The following TENM3 variants were observed in gnomAD, a reference collection of about 807,000 sequenced individuals.
TENM3 encodes teneurin transmembrane protein 3.
A neutral mutation model predicts 255.1 loss-of-function variants in TENM3; 63 were observed. The ratio of observed to expected loss-of-function variants is 0.25; its 90% CI spans 0.20 to 0.30. TENM3 has a LOEUF of 0.30. Among genes scored for constraint, TENM3 ranks in the 10% least tolerant of loss-of-function variants. The pLI, the probability that TENM3 is intolerant of heterozygous loss-of-function variation, is 1.00. For synonymous variants in TENM3, 1,306 were observed against 1,322.3 expected, an observed-to-expected ratio of 0.99 and a Z score of 0.27; for missense variants, 2,929 against 3,461.1, an observed-to-expected ratio of 0.85 and a Z score of 3.86.
the TENM3 span, among the ~76,000 whole-genome samples, chr4:181,791,551 G>A: frequency 1.3e-5 from 2 of 152,126 alleles, no homozygotes; most frequent in Non-Finnish European, 2.9e-5. Context: ...AGTAATATAA[G>A]AATAAAAGTA....
At chr4:182,185,573 C>A (rs752956392) in intron 1 of TENM3, among the ~76,000 whole-genome samples, 31 of 152,204 alleles carry the variant, frequency 2.0e-4, no homozygotes, top group Non-Finnish European at 4.1e-4. Context: ...TCTGAGTAGT[C>A]TCACCAGACA....
At chr4:181,459,715 C>T in the TENM3 span, among the ~76,000 whole-genome samples, 1 of 152,036 alleles carries the variant, frequency 6.6e-6, no homozygotes, top group East Asian at 1.9e-4. Flanking sequence ...CATCACATCA[C>T]CATAGTTTTA....
chr4:182,617,320 C>G (rs1308547461), intron 4 of TENM3, among the ~76,000 whole-genome samples: 2 of 152,152 alleles, frequency 1.3e-5, no homozygotes, highest in African/African-American at 4.8e-5. Flanking sequence ...TAAAAATCAT[C>G]TTATCTTAAA....
the TENM3 span, among the ~76,000 whole-genome samples, chr4:182,074,643 G>A: frequency 2.0e-5 from 3 of 152,248 alleles, no homozygotes; most frequent in East Asian, 3.9e-4. Flanking sequence ...GAAATGAGGC[G>A]GTGTGGGGCA....
At chr4:182,415,663 ACAAT>A (rs929291480) in intron 3 of TENM3, among the ~76,000 whole-genome samples, 19 of 147,272 alleles carry the variant, frequency 1.3e-4, no homozygotes, top group African/African-American at 4.4e-4. Flanking sequence ...CAGTGGGTAA[ACAAT>A]CAAGTGCCAG....
chr4:182,714,888 G>GT (rs1451760691), intron 13 of TENM3, among the ~76,000 whole-genome samples: 2 of 152,060 alleles, frequency 1.3e-5, no homozygotes, highest in Admixed American at 1.3e-4. Context: ...GTTTTGTTTT[G>GT]TTTTTTGTTT....
At chr4:182,740,800 G>A (rs1380648328) in intron 18 of TENM3, among the ~76,000 whole-genome samples, 1 of 152,104 alleles carries the variant, frequency 6.6e-6, no homozygotes, top group African/African-American at 2.4e-5. Flanking sequence ...TAACATATGG[G>A]TAACTTCTAT....
chr4:181,729,926 C>T, the TENM3 span, among the ~76,000 whole-genome samples: 1 of 152,262 alleles, frequency 6.6e-6, no homozygotes, highest in South Asian at 2.1e-4. Context: ...TCTAGCTACA[C>T]AATGTTGTCC....
Position 182,428,804 on chromosome 4 carries a change from TA to T in TENM3, c.511+81882del, listed in dbSNP as rs1226380466. ...ATTTTAATTTCTCCAAGAAATAATATAAAAAAATTAAAAGAGGAATAATTTG... is the reference window on the plus strand; with the variant it reads ...ATTTTAATTTCTCCAAGAAATAATATAAAAAATTAAAAGAGGAATAATTTG... On this transcript the variant is annotated intron_variant, in intron 3 of 27. Coordinates refer to ENST00000511685, the MANE Select transcript of TENM3 (RefSeq NM_001080477.4). Among the ~76,000 whole-genome samples the T allele has an allele frequency of 2.6e-5, 4 of 152,116 alleles. No homozygotes were observed. In the East Asian group the frequency reaches 7.7e-4, roughly 29 times the overall value.
At chr4:182,473,566 G>C (rs1037797974) in intron 3 of TENM3, among the ~76,000 whole-genome samples, 2 of 152,060 alleles carry the variant, frequency 1.3e-5, no homozygotes, top group Admixed American at 1.3e-4. Flanking sequence ...CCAGCTACTC[G>C]GGAGGCTGAG....
the TENM3 span, among the ~76,000 whole-genome samples, chr4:181,893,421 A>T: frequency 1.3e-5 from 2 of 151,756 alleles, no homozygotes; most frequent in African/African-American, 4.8e-5. Flanking sequence ...ATAGCTAATA[A>T]ATTATAGTCA....
chr4:181,468,241 T>C, the TENM3 span, among the ~76,000 whole-genome samples: 19 of 151,896 alleles, frequency 1.3e-4, no homozygotes, highest in Admixed American at 5.9e-4. Flanking sequence ...ACCACTGCAC[T>C]CCAGCCTGGG....
At chr4:181,712,046 C>T in the TENM3 span, among the ~76,000 whole-genome samples, 9,897 of 152,128 alleles carry the variant, frequency 0.065, 370 homozygotes, top group Middle Eastern at 0.16. Context: ...CCATTTTTAG[C>T]TTTGTATTAA....
intron 1 of TENM3, among the ~76,000 whole-genome samples, chr4:182,254,982 G>A (rs2150133051): frequency 6.6e-6 from 1 of 152,264 alleles, no homozygotes; most frequent in East Asian, 1.9e-4. Context: ...TATGTCTGGG[G>A]AAATAGTTTG....
At chr4:181,610,190 C>A in the TENM3 span, among the ~76,000 whole-genome samples, 1 of 152,064 alleles carries the variant, frequency 6.6e-6, no homozygotes, top group African/African-American at 2.4e-5. Context: ...CCCTTTTTGA[C>A]TGATAAGTTG....
chr4:181,903,385 G>A, the TENM3 span, among the ~76,000 whole-genome samples: 2 of 152,176 alleles, frequency 1.3e-5, no homozygotes, highest in Non-Finnish European at 2.9e-5. Context: ...AAAGTGCTCT[G>A]TAAGAGTCTG....
chr4:181,973,678 T>C, the TENM3 span, among the ~76,000 whole-genome samples: 3 of 152,208 alleles, frequency 2.0e-5, no homozygotes, highest in African/African-American at 7.2e-5. Flanking sequence ...AGAGGATTGC[T>C]TGAGCCCAGG....
chr4:182,089,260 A>G, the TENM3 span, among the ~76,000 whole-genome samples: 8 of 152,364 alleles, frequency 5.3e-5, no homozygotes, highest in South Asian at 1.7e-3. Flanking sequence ...TCTTAGGCAC[A>G]GAGATTTTCT....
the TENM3 span, among the ~76,000 whole-genome samples, chr4:181,604,155 C>G: frequency 1.3e-5 from 2 of 152,032 alleles, no homozygotes; most frequent in Non-Finnish European, 2.9e-5. Context: ...GTCCCAGCTA[C>G]TCGGGAGGCT....
Sources: gnomAD v4.1 joint callset for allele counts (sites outside exome capture counted in the v4.1 genomes callset) on GRCh38, gnomAD v4.1.1 for gene constraint, MANE v1.5 for transcripts, NCBI Gene and HGNC (gene_info 2026-07-23, HGNC 2026-07-21) for gene names.